The following PTPRD variants were observed in gnomAD, a reference collection of about 807,000 sequenced individuals.
PTPRD encodes the protein protein tyrosine phosphatase receptor type D.
A neutral mutation model predicts 214.5 loss-of-function variants in PTPRD; 34 were observed. That is an observed-to-expected ratio of 0.16 (90% CI 0.12 to 0.21). The LOEUF is 0.21. Among genes scored for constraint, PTPRD ranks in the 10% least tolerant of loss-of-function variants. The probability of loss-of-function intolerance (pLI) is 1.00; values close to 1 mark genes in which losing one functional copy is unlikely to be tolerated. For synonymous variants in PTPRD, 1,128 were observed against 845.7 expected (o/e 1.33, Z -5.79); for missense variants, 2,545 against 2,398.7 (o/e 1.06, Z -1.27).
chr9:10,501,043 G>C (rs1178971842), intron 2 of PTPRD, among the ~76,000 whole-genome samples: 1 of 151,964 alleles, frequency 6.6e-6, no homozygotes, highest in East Asian at 1.9e-4. Context: ...CCTTAATTTG[G>C]GGTATATGCC....
At chr9:10,584,026 G>T (rs578004778) in intron 2 of PTPRD, among the ~76,000 whole-genome samples, 1 of 152,222 alleles carries the variant, frequency 6.6e-6, no homozygotes, top group African/African-American at 2.4e-5. Context: ...TCCTCTGTTA[G>T]TGAATTGTGA....
At chr9:8,880,871 A>G (rs1324586966) in intron 11 of PTPRD, among the ~76,000 whole-genome samples, 1 of 152,068 alleles carries the variant, frequency 6.6e-6, no homozygotes, top group East Asian at 1.9e-4. Flanking sequence ...AGCAGCCTCA[A>G]CTTCCTGGGC....
intron 11 of PTPRD, among the ~76,000 whole-genome samples, chr9:8,938,607 C>T (rs1353028826): frequency 6.6e-6 from 1 of 151,962 alleles, no homozygotes; most frequent in African/African-American, 2.4e-5. Context: ...TAAAATGCCA[C>T]TGTTCAATCT....
At chr9:9,330,561 A>G (rs2041919758) in intron 9 of PTPRD, among the ~76,000 whole-genome samples, 1 of 152,124 alleles carries the variant, frequency 6.6e-6, no homozygotes. Context: ...AAGTAATATT[A>G]TTAAAAGTCT....
intron 11 of PTPRD, among the ~76,000 whole-genome samples, chr9:8,761,301 G>A (rs2094398724): frequency 6.6e-6 from 1 of 152,102 alleles, no homozygotes; most frequent in Non-Finnish European, 1.5e-5. Context: ...GGACACTCTA[G>A]CAGAAGAAAA....
chr9:8,827,075 C>G (rs759467439), intron 11 of PTPRD, among the ~76,000 whole-genome samples: 23 of 151,988 alleles, frequency 1.5e-4, no homozygotes, highest in Non-Finnish European at 2.8e-4. Context: ...CACACACCCT[C>G]ATGGTTCAGA....
At chr9:8,421,881 C>T (rs2094389188) in intron 35 of PTPRD, among the ~76,000 whole-genome samples, 1 of 150,936 alleles carries the variant, frequency 6.6e-6, no homozygotes, top group Non-Finnish European at 1.5e-5. Context: ...GGCGTGATGG[C>T]TCACACCTGT....
intron 10 of PTPRD, among the ~76,000 whole-genome samples, chr9:9,112,987 CAG>C (rs955639241): frequency 6.7e-5 from 10 of 149,308 alleles, no homozygotes; most frequent in Non-Finnish European, 1.2e-4. Flanking sequence ...TTGTTTGAGA[CAG>C]AGTCTCTTTC....
chr9:9,019,208 G>C (rs72692859), intron 10 of PTPRD, among the ~76,000 whole-genome samples: 1 of 149,436 alleles, frequency 6.7e-6, no homozygotes, highest in African/African-American at 2.5e-5. Flanking sequence ...CAACATCACA[G>C]GATTTTTATT....
intron 7 of PTPRD, among the ~76,000 whole-genome samples, chr9:9,578,271 T>C (rs1303742392): frequency 2.0e-5 from 3 of 152,078 alleles, no homozygotes; most frequent in Non-Finnish European, 4.4e-5. Flanking sequence ...ACAGAAATCT[T>C]GAAAAGTTAT....
chr9:8,740,484 G>A (rs1685075269), intron 11 of PTPRD, among the ~76,000 whole-genome samples: 1 of 152,120 alleles, frequency 6.6e-6, no homozygotes, highest in Admixed American at 6.5e-5. Flanking sequence ...AATGTATGCA[G>A]GGCACCAAAA....
intron 14 of PTPRD, among the ~76,000 whole-genome samples, chr9:8,553,027 T>C (rs1272007523): frequency 6.6e-6 from 1 of 152,106 alleles, no homozygotes; most frequent in East Asian, 1.9e-4. Flanking sequence ...ACAGTATAAA[T>C]CACTTGAGCT....
chr9:9,236,182 G>T (rs2099966585), intron 9 of PTPRD, among the ~76,000 whole-genome samples: 1 of 152,120 alleles, frequency 6.6e-6, no homozygotes, highest in East Asian at 1.9e-4. Context: ...GAATCCAGGA[G>T]GTGGAGGCTG....
At chr9:8,510,348 T>C (rs182903496) in intron 21 of PTPRD, among the ~76,000 whole-genome samples, 1 of 152,108 alleles carries the variant, frequency 6.6e-6, no homozygotes, top group East Asian at 1.9e-4. Context: ...CGAATACAAA[T>C]GCTCAGAGGT....
rs569191220 is a variant in PTPRD at position 8,404,119 on chromosome 9, T to G, written c.4210+418A>C. 2.6e-5 allele frequency among the ~76,000 whole-genome samples: 4 copies of G among 152,318 alleles called. No individual in the cohort carries two copies. The East Asian group carries it at 7.7e-4, about 29-fold the overall frequency. The stretch of plus-strand genomic sequence containing the variant: ...GTAGGAAAAAGCTATGTTTGAATCT[T>G]AATTACTTTCTTTTTTTCTTTGAGA... On this transcript the variant is annotated intron_variant, in intron 36 of 45. Coordinates refer to ENST00000381196, the MANE Select transcript of PTPRD (RefSeq NM_002839.4).
chr9:9,807,883 G>A lies in PTPRD; in HGVS notation c.-367-41032C>T, dbSNP rs563341947. Among the ~76,000 whole-genome samples, 13 of 152,214 alleles carry A rather than the reference G, an allele frequency of 8.5e-5. No homozygotes were observed. In the South Asian group the frequency reaches 2.7e-3, roughly 32 times the overall value. ...TTCTGATGACTCATATAATTCTGAT[G>A]TTTGTTCTGATTAGAAATAACCCTA... On this transcript the variant is annotated intron_variant, in intron 5 of 45. Coordinates refer to ENST00000381196, the MANE Select transcript of PTPRD (RefSeq NM_002839.4).
intron 12 of PTPRD, among the ~76,000 whole-genome samples, chr9:8,682,285 T>C: frequency 6.6e-6 from 1 of 152,230 alleles, no homozygotes; most frequent in South Asian, 2.1e-4. Context: ...CTTCGACTCC[T>C]ACCGGGATAT....
rs57563877 is a variant in PTPRD, at chr9:10,126,426, T to TACACACAC, written c.-544-92644_-544-92637dup. Reference sequence around the variant, plus strand: ...TCCTTAAATAATACTGTTTTATATATACACACACACACACACACACACACA... The same window carrying TACACACAC: ...TCCTTAAATAATACTGTTTTATATATACACACACACACACACACACACACACACACACA... On this transcript the variant is annotated intron_variant, in intron 3 of 45. Transcript: ENST00000381196. 1.5e-3 allele frequency among the ~76,000 whole-genome samples: 147 copies of TACACACAC among 96,238 alleles called. 2 individuals are homozygous for TACACACAC. Among genetic ancestry groups the TACACACAC allele is most frequent in the Non-Finnish European group, 3.0e-3 (112 of 37,090 alleles). 63.1% of individuals were successfully genotyped at this position (96,238 alleles called of 152,430 possible). A position where few individuals can be genotyped will look rare whatever the true frequency, so the allele number is the denominator to read the frequency against.
chr9:10,573,593 T>C (rs970370316), intron 2 of PTPRD, among the ~76,000 whole-genome samples: 5 of 151,760 alleles, frequency 3.3e-5, no homozygotes, highest in African/African-American at 9.7e-5. Flanking sequence ...GAGGAAGGCA[T>C]TGAGAGCAGA....
Sources: allele counts gnomAD v4.1 joint callset (sites outside exome capture counted in the v4.1 genomes callset), GRCh38; gene constraint gnomAD v4.1.1; transcripts MANE v1.5; gene names NCBI Gene and HGNC (gene_info 2026-07-23, HGNC 2026-07-21).